NEBL: variants seen among roughly 807,000 people sequenced by gnomAD.
The protein encoded by NEBL is nebulette.
NEBL carries 122 observed loss-of-function variants against 140.2 expected under a neutral mutation model. That is an observed-to-expected ratio of 0.87 (90% confidence interval 0.75 to 1.01). NEBL has a LOEUF of 1.01. Among genes scored for constraint, NEBL ranks in the 50% least tolerant of loss-of-function variants. The pLI is 0.00. For missense variants in NEBL, 1,365 were observed against 1,231.3 expected (o/e 1.11, Z -1.62); for synonymous variants, 436 against 398.9 (o/e 1.09, Z -1.11).
At chr10:20,797,371 T>A (rs1026506983) in intron 26 of NEBL, among the ~76,000 whole-genome samples, 2 of 152,182 alleles carry the variant, frequency 1.3e-5, no homozygotes, top group African/African-American at 4.8e-5. Flanking sequence ...TACTGACCCT[T>A]AGACAATACC....
intron 18 of NEBL, among the ~76,000 whole-genome samples, chr10:20,824,117 G>A (rs1839615584): frequency 1.3e-5 from 2 of 151,926 alleles, no homozygotes; most frequent in Admixed American, 6.6e-5. Context: ...CAATTCAGGT[G>A]GTATTTTAAT....
chr10:21,175,378 G>A (rs1409682802), upstream of NEBL, among the ~76,000 whole-genome samples: 2 of 152,190 alleles, frequency 1.3e-5, no homozygotes, highest in Non-Finnish European at 2.9e-5. Context: ...GGAAGAGTCA[G>A]CTAGGATTAT....
intron 3 of NEBL, among the ~76,000 whole-genome samples, chr10:21,240,439 T>G (rs1321039494): frequency 6.6e-6 from 1 of 152,068 alleles, no homozygotes; most frequent in East Asian, 1.9e-4. Flanking sequence ...GGTCAAGAGT[T>G]CGAGACCAGC....
intron 3 of NEBL, among the ~76,000 whole-genome samples, chr10:20,995,348 T>C (rs1488570943): frequency 6.6e-6 from 1 of 152,130 alleles, no homozygotes; most frequent in Non-Finnish European, 1.5e-5. Flanking sequence ...AGATTAGCAA[T>C]TGCAGCCGTG....
At chr10:20,833,755 CAAA>C (rs919864839) in intron 14 of NEBL, among the ~76,000 whole-genome samples, 11 of 75,766 alleles carry the variant, frequency 1.5e-4, no homozygotes, top group Non-Finnish European at 1.3e-4. Context: ...GACTCCGTCT[CAAA>C]AAAAAAAAAA....
rs141802033 is a variant in NEBL, at chr10:20,833,403, G to A, written c.1450-1820C>T. ...TAAAAATAAACTATGGCAAAGTCCC[G>A]AACATTGGTTGAAAATGATCTGAGC... On this transcript the variant is annotated intron_variant, in intron 14 of 27. Transcript: ENST00000377122. 5.3e-3 allele frequency among the ~76,000 whole-genome samples: 799 copies of A among 152,012 alleles called. 4 individuals carry two copies. The highest frequency in any genetic ancestry group is 8.8e-3 in the Non-Finnish European group (601 of 68,006).
intron 4 of NEBL, among the ~76,000 whole-genome samples, chr10:20,929,260 AATATATAT>A (rs57452633): frequency 6.7e-6 from 1 of 148,890 alleles, no homozygotes; most frequent in Non-Finnish European, 1.5e-5. Flanking sequence ...GAGAGATATA[AATATATAT>A]ATATATATAT....
intron 2 of NEBL, among the ~76,000 whole-genome samples, chr10:21,103,215 CTTTT>C (rs576823735): frequency 1.4e-5 from 2 of 140,238 alleles, no homozygotes; most frequent in Non-Finnish European, 1.6e-5. Context: ...TTTTCAACTC[CTTTT>C]TTTTTTTTTT....
At chr10:20,930,495 T>C (rs967931145) in intron 4 of NEBL, among the ~76,000 whole-genome samples, 1 of 152,202 alleles carries the variant, frequency 6.6e-6, no homozygotes, top group Non-Finnish European at 1.5e-5. Context: ...GCAAATTAAA[T>C]TGTATCATAC....
chr10:20,958,875 C>T (rs368077159), intron 4 of NEBL, among the ~76,000 whole-genome samples: 4 of 152,294 alleles, frequency 2.6e-5, no homozygotes, highest in South Asian at 2.1e-4. Flanking sequence ...TTGAAATTTA[C>T]GGTTGTATTT....
At chr10:20,934,891 C>T (rs968480231) in intron 4 of NEBL, among the ~76,000 whole-genome samples, 2 of 152,088 alleles carry the variant, frequency 1.3e-5, no homozygotes, top group Non-Finnish European at 1.5e-5. Flanking sequence ...CTAGCAGGAA[C>T]AAAATGGGAA....
intron 4 of NEBL, among the ~76,000 whole-genome samples, chr10:20,939,922 C>A (rs1371595484): frequency 6.6e-6 from 1 of 152,030 alleles, no homozygotes; most frequent in Non-Finnish European, 1.5e-5. Flanking sequence ...CAGGAGCACC[C>A]AGATTCATAA....
At chr10:21,060,906 G>C (rs1835243223) in intron 2 of NEBL, among the ~76,000 whole-genome samples, 1 of 152,000 alleles carries the variant, frequency 6.6e-6, no homozygotes, top group Admixed American at 6.6e-5. Context: ...CTCTTCACTT[G>C]GCTTCTGGAG....
At chr10:20,969,413 T>C (rs1399801602) in intron 3 of NEBL, among the ~76,000 whole-genome samples, 1 of 151,772 alleles carries the variant, frequency 6.6e-6, no homozygotes, top group Non-Finnish European at 1.5e-5. Flanking sequence ...TACTGTTTTG[T>C]CAGTTTTCCA....
rs924445172 is a variant in NEBL, at chr10:20,938,703, G to A, written c.357+22969C>T. Among the ~76,000 whole-genome samples, 7 of 152,196 alleles carry A rather than the reference G, an allele frequency of 4.6e-5. No individual in the cohort carries two copies. In the East Asian group the frequency reaches 7.7e-4, roughly 17 times the overall value. ...TTAAAAACTTGAAAAAAAATTAGAC[G>A]AATGGCTAACTAGAATAACCAATGC... On this transcript the variant is annotated intron_variant, in intron 4 of 6. Transcript: ENST00000417816.
intron 11 of NEBL, among the ~76,000 whole-genome samples, chr10:20,847,816 C>T (rs1181356694): frequency 6.6e-6 from 1 of 152,146 alleles, no homozygotes; most frequent in African/African-American, 2.4e-5. Flanking sequence ...TGTCTCTAAT[C>T]CTAACGTAAC....
intron 3 of NEBL, among the ~76,000 whole-genome samples, chr10:21,004,510 G>C (rs544025033): frequency 6.6e-6 from 1 of 152,254 alleles, no homozygotes; most frequent in Non-Finnish European, 1.5e-5. Context: ...CACGAGGTCA[G>C]GAGATCGAGA....
chr10:21,046,640 G>A (rs1003309368), intron 2 of NEBL, among the ~76,000 whole-genome samples: 4 of 152,030 alleles, frequency 2.6e-5, no homozygotes, highest in African/African-American at 7.3e-5. Context: ...TGACTCTGTC[G>A]CCCAGGCTGG....
intron 2 of NEBL, among the ~76,000 whole-genome samples, chr10:21,106,159 T>C (rs1387051822): frequency 3.3e-5 from 5 of 152,294 alleles, no homozygotes; most frequent in Middle Eastern, 3.4e-3. Flanking sequence ...CTGATGATAG[T>C]TTCTTTTGCT....
Sources: allele counts gnomAD v4.1 joint callset (sites outside exome capture counted in the v4.1 genomes callset), GRCh38; gene constraint gnomAD v4.1.1; transcripts MANE v1.5; gene names NCBI Gene and HGNC (gene_info 2026-07-23, HGNC 2026-07-21).